AMD1: variants seen among roughly 807,000 people sequenced by gnomAD.
The protein encoded by AMD1 is adenosylmethionine decarboxylase 1, also known as S-adenosylmethionine decarboxylase proenzyme.
A neutral mutation model predicts 40.2 loss-of-function variants in AMD1; 11 were observed. The ratio of observed to expected loss-of-function variants is 0.27; its 90% confidence interval spans 0.17 to 0.45. The LOEUF is 0.45. AMD1 is among the 20% of genes least tolerant of loss of function. The pLI, the probability that AMD1 is intolerant of heterozygous loss-of-function variation, is 1.00. For synonymous variants in AMD1, 121 were observed against 130.8 expected (o/e 0.93, Z 0.51); for missense variants, 257 against 410.2 (o/e 0.63, Z 3.23).
the AMD1 span, among the ~76,000 whole-genome samples, chr6:110,839,392 A>T: frequency 5.9e-5 from 9 of 152,132 alleles, no homozygotes; most frequent in Non-Finnish European, 1.0e-4. Flanking sequence ...ACAATAACAC[A>T]CGTTTCTGAC....
At chr6:110,881,570 C>T (rs866527059) in intron 1 of AMD1, among the ~76,000 whole-genome samples, 3 of 152,028 alleles carry the variant, frequency 2.0e-5, no homozygotes, top group African/African-American at 4.8e-5. Flanking sequence ...AATCCCAGCA[C>T]TTTGGGAGGC....
chr6:110,852,832 C>T, the AMD1 span, among the ~76,000 whole-genome samples: 3 of 152,286 alleles, frequency 2.0e-5, no homozygotes, highest in South Asian at 6.2e-4. Flanking sequence ...AATGAACAAA[C>T]ATTTTAATTC....
the AMD1 span, among the ~76,000 whole-genome samples, chr6:110,850,215 A>C: frequency 2.0e-5 from 3 of 152,194 alleles, no homozygotes; most frequent in Non-Finnish European, 1.5e-5. Flanking sequence ...ACAAAGCTCC[A>C]AATTTAATTT....
chr6:110,821,308 A>G, the AMD1 span, among the ~76,000 whole-genome samples: 1 of 152,122 alleles, frequency 6.6e-6, no homozygotes, highest in African/African-American at 2.4e-5. Flanking sequence ...ATATAAACAC[A>G]CTGAGACAAG....
the AMD1 span, chr6:110,815,177 C>T: frequency 6.4e-7 from 1 of 1,552,310 alleles, no homozygotes; most frequent in Non-Finnish European, 8.7e-7. Context: ...CGGGGGCCGC[C>T]GCCGCTCAGT....
chr6:110,861,059 A>G, the AMD1 span, among the ~76,000 whole-genome samples: 2 of 151,762 alleles, frequency 1.3e-5, no homozygotes, highest in African/African-American at 4.8e-5. Context: ...TACACAAAAC[A>G]CAAAAATTAG....
the AMD1 span, among the ~76,000 whole-genome samples, chr6:110,842,522 T>C: frequency 1.3e-5 from 2 of 152,238 alleles, no homozygotes; most frequent in Non-Finnish European, 2.9e-5. Flanking sequence ...ACACTCTGAC[T>C]ACTGCTATTG....
intron 1 of AMD1, among the ~76,000 whole-genome samples, chr6:110,879,294 C>T (rs1295070802): frequency 6.6e-6 from 1 of 152,148 alleles, no homozygotes; most frequent in Non-Finnish European, 1.5e-5. Context: ...ATCGAGGCTG[C>T]AGCGAAATGA....
chr6:110,833,531 A>C, the AMD1 span, among the ~76,000 whole-genome samples: 1 of 152,262 alleles, frequency 6.6e-6, no homozygotes, highest in African/African-American at 2.4e-5. Context: ...TCTCAGGAAT[A>C]GTTTAGTTTA....
At chr6:110,875,249 C>T (rs1562333122) in intron 1 of AMD1, 34 bp downstream of exon 1, 4 of 1,537,188 alleles carry the variant, frequency 2.6e-6, no homozygotes, top group East Asian at 2.4e-5. Flanking sequence ...ACATCCGGGC[C>T]TGGGGGCTGT....
intron 1 of AMD1, among the ~76,000 whole-genome samples, chr6:110,882,769 A>C (rs1449670728): frequency 6.6e-6 from 1 of 152,094 alleles, no homozygotes; most frequent in East Asian, 1.9e-4. Flanking sequence ...GAGCATTACT[A>C]TTAGTTGAGG....
chr6:110,884,550 C>T (rs978296234), intron 1 of AMD1, among the ~76,000 whole-genome samples: 1 of 152,148 alleles, frequency 6.6e-6, no homozygotes, highest in Non-Finnish European at 1.5e-5. Context: ...CTTCCCACAT[C>T]AGCCTACCGA....
chr6:110,876,631 C>CGTGTGACACTTAAAATGTCTATA (rs1785130161), intron 1 of AMD1, among the ~76,000 whole-genome samples: 1 of 151,700 alleles, frequency 6.6e-6, no homozygotes, highest in Admixed American at 6.6e-5. Context: ...TTTCAAGCTT[C>CGTGTGACACTTAAAATGTCTATA]GTGTGACACT....
At chr6:110,862,763 C>CTCGGCCTATTTACTTTGATTTA in the AMD1 span, among the ~76,000 whole-genome samples, 1 of 152,134 alleles carries the variant, frequency 6.6e-6, no homozygotes, top group Non-Finnish European at 1.5e-5. Context: ...AGCCACTGCA[C>CTCGGCCTATTTACTTTGATTTA]TCGGCCTATT....
the AMD1 span, among the ~76,000 whole-genome samples, chr6:110,862,767 G>C: frequency 0.028 from 4,195 of 152,044 alleles, 87 homozygotes; most frequent in South Asian, 0.1. Context: ...ACTGCACTCG[G>C]CCTATTTACT....
At chr6:110,871,799 A>C (rs550195212), upstream of AMD1, among the ~76,000 whole-genome samples, 1 of 152,328 alleles carries the variant, frequency 6.6e-6, no homozygotes, top group East Asian at 1.9e-4. Flanking sequence ...TTGAAATTCA[A>C]GGGAGATGTC....
intron 1 of AMD1, among the ~76,000 whole-genome samples, chr6:110,877,199 T>G (rs1785159446): frequency 6.6e-6 from 1 of 152,358 alleles, no homozygotes. Context: ...TGTGGACATG[T>G]AACATTCATT....
In AMD1 at chr6:110,875,109, G is replaced by A. The variant is rs1490546416; in HGVS notation, c.4G>A (p.Glu2Lys). 2.5e-6 allele frequency: 4 copies of A among 1,613,092 alleles called. No homozygotes were observed. The highest frequency in any genetic ancestry group is 1.1e-5 in the South Asian group (1 of 90,912). The change falls in exon 1 of 9, where the codon GAA (glutamate) becomes AAA (lysine). Residue 2 changes from glutamate to lysine, a missense_variant. By Grantham distance (56) the Glu-to-Lys change is moderately conservative. Around this residue, in one of 3 missense-constraint regions of AMD1, gnomAD observed 57 missense variants for 76.8 expected, o/e 0.74. Transcript: ENST00000368885. M[E>K]AAHFFEGTEK... ...GTTGTTCGCTAGTCTCACGGTGATG[G>A]AAGCTGCACATTTTTTCGAAGGGAC...
rs187117365 is a variant in AMD1 at position 110,881,332 on chromosome 6, C to T, written c.110+6117C>T. Among the ~76,000 whole-genome samples the T allele has an allele frequency of 6.8e-4, 103 of 152,238 alleles. 1 individual carries two copies. Among genetic ancestry groups the T allele is most frequent in the Non-Finnish European group, 2.6e-4 (18 of 68,018 alleles). On this transcript the variant is annotated intron_variant, in intron 1 of 8. Coordinates refer to ENST00000368885, the MANE Select transcript of AMD1 (RefSeq NM_001634.6). ...CCACTGCATGCTGGCAACACCACCA[C>T]CACCCCAGTTGTGATAAAAAATGTC...
Sources: gnomAD v4.1 joint callset for allele counts (sites outside exome capture counted in the v4.1 genomes callset) on GRCh38, gnomAD v4.1.1 for gene constraint, gnomAD v4.1.1 regional missense constraint, MANE v1.5 for transcripts, NCBI Gene and HGNC (gene_info 2026-07-23, HGNC 2026-07-21) for gene names.